KIAA0753: variants seen among roughly 807,000 people sequenced by gnomAD.
The protein encoded by KIAA0753 is protein moonraker.
Under a neutral mutation model 116.9 loss-of-function variants are expected in KIAA0753, and 114 were observed. The ratio of observed to expected loss-of-function variants is 0.98; its 90% CI spans 0.84 to 1.14. The LOEUF is 1.14. KIAA0753 is among the 50% of genes most tolerant of loss of function. KIAA0753 has a pLI of 0.00. For synonymous variants in KIAA0753, 405 were observed against 413.1 expected, an observed-to-expected ratio of 0.98 and a Z score of 0.24; for missense variants, 1,156 against 1,172.4, an observed-to-expected ratio of 0.99 and a Z score of 0.20.
intron 2 of KIAA0753, among the ~76,000 whole-genome samples, chr17:6,630,507 G>C (rs1231600442): frequency 6.6e-6 from 1 of 151,968 alleles, no homozygotes; most frequent in African/African-American, 2.4e-5. Flanking sequence ...AAAGACACTT[G>C]AAAGAGACCC....
At chr17:6,609,929 C>T (rs1195164491) in intron 9 of KIAA0753, 65 bp downstream of exon 9, 31 of 1,556,008 alleles carry the variant, frequency 2.0e-5, no homozygotes, top group Non-Finnish European at 2.5e-5. Flanking sequence ...AGCTACAGGT[C>T]ACCTTTGATA....
intron 16 of KIAA0753, among the ~76,000 whole-genome samples, chr17:6,591,034 G>A: frequency 1.2e-5 from 1 of 85,004 alleles, no homozygotes; most frequent in Admixed American, 1.5e-4. Flanking sequence ...AAGGAAGAAG[G>A]AAGAAGGAAG....
At chr17:6,600,479 A>G in intron 12 of KIAA0753, 21 bp from the exon 13 acceptor site, 3 of 1,582,820 alleles carry the variant, frequency 1.9e-6, no homozygotes, top group Non-Finnish European at 1.7e-6. Context: ...ATAAAATTGA[A>G]AATTAAAATC....
chr17:6,633,885 G>C (rs1972150525), intron 2 of KIAA0753, among the ~76,000 whole-genome samples: 1 of 152,100 alleles, frequency 6.6e-6, no homozygotes, highest in South Asian at 2.1e-4. Context: ...GAGGGGAGGA[G>C]TGGGGGTTAT....
chr17:6,611,372 C>T (rs1316934691), intron 8 of KIAA0753, among the ~76,000 whole-genome samples: 3 of 152,070 alleles, frequency 2.0e-5, no homozygotes, highest in Non-Finnish European at 4.4e-5. Flanking sequence ...TCGATCACAG[C>T]TCACTGCAGC....
intron 18 of KIAA0753, among the ~76,000 whole-genome samples, chr17:6,586,437 C>T (rs1050673624): frequency 1.3e-5 from 2 of 152,178 alleles, no homozygotes; most frequent in African/African-American, 4.8e-5. Flanking sequence ...TTGCCTTCAT[C>T]CTCATTAGGC....
chr17:6,593,938 C>A (rs186128419), intron 16 of KIAA0753, among the ~76,000 whole-genome samples: 1 of 152,234 alleles, frequency 6.6e-6, no homozygotes, highest in Non-Finnish European at 1.5e-5. Context: ...TTCACCTTCA[C>A]CAGGATGGTT....
intron 12 of KIAA0753, among the ~76,000 whole-genome samples, chr17:6,603,208 C>A (rs916127856): frequency 1.3e-5 from 2 of 151,754 alleles, no homozygotes; most frequent in African/African-American, 4.8e-5. Flanking sequence ...GAGGACCAAT[C>A]AAGGAAGTCC....
chr17:6,620,445 T>C (rs1197276188), intron 7 of KIAA0753, among the ~76,000 whole-genome samples: 1 of 151,306 alleles, frequency 6.6e-6, no homozygotes, highest in Non-Finnish European at 1.5e-5. Flanking sequence ...CACATATATA[T>C]ATAGAATGTA....
chr17:6,589,014 G>A (rs1364454349), intron 18 of KIAA0753, among the ~76,000 whole-genome samples: 1 of 152,038 alleles, frequency 6.6e-6, no homozygotes, highest in Non-Finnish European at 1.5e-5. Context: ...AATATTTTGT[G>A]TTCTCTGATG....
At chr17:6,635,591 C>T (rs183382469) in intron 1 of KIAA0753, 1 of 152,790 alleles carries the variant, frequency 6.5e-6, no homozygotes, top group East Asian at 1.9e-4. Context: ...TTCACTCTGT[C>T]AGGTGGCCCG....
chr17:6,617,619 ATTTTG>A (rs1293477713), intron 7 of KIAA0753, among the ~76,000 whole-genome samples: 15 of 152,034 alleles, frequency 9.9e-5, no homozygotes, highest in South Asian at 2.1e-4. Context: ...CTAAGGAAGC[ATTTTG>A]TTTTGTTTTT....
chr17:6,627,673 G>A (rs1597592725), intron 3 of KIAA0753, among the ~76,000 whole-genome samples: 1 of 152,176 alleles, frequency 6.6e-6, no homozygotes, highest in African/African-American at 2.4e-5. Flanking sequence ...TCACTGGTGT[G>A]TACTCACCTA....
At chr17:6,591,965 C>T (rs527519064) in intron 16 of KIAA0753, among the ~76,000 whole-genome samples, 9 of 152,358 alleles carry the variant, frequency 5.9e-5, no homozygotes, top group South Asian at 2.1e-4. Flanking sequence ...ACAAATACCT[C>T]GAACACATGG....
intron 11 of KIAA0753, 82 bp from the exon 12 acceptor site, chr17:6,607,044 C>CT: frequency 6.8e-7 from 1 of 1,461,830 alleles, no homozygotes; most frequent in Non-Finnish European, 9.6e-7. Context: ...TGGCTCCCCC[C>CT]TTGGCTTCTT....
chr17:6,579,520 G>A lies in KIAA0753; in HGVS notation c.*227C>T. ...TTGCCATAATCAAGTTGTGTTGCCT[G>A]GGCACTGATAAGTGTGATACATTGC... On this transcript the variant is annotated 3_prime_UTR_variant, in exon 19 of 19. Transcript: ENST00000361413. 2.1e-6 allele frequency: 1 copy of A among 465,990 alleles called. No individual in the cohort carries two copies. Among genetic ancestry groups the A allele is most frequent in the Non-Finnish European group, 3.9e-6 (1 of 257,766 alleles). The allele number at this position is 465,990 out of a possible 1,614,324, so 28.9% of individuals were successfully genotyped here. A position where few individuals can be genotyped will look rare whatever the true frequency, so the allele number is the denominator to read the frequency against.
At chr17:6,612,959 A>G (rs1970653510) in intron 7 of KIAA0753, among the ~76,000 whole-genome samples, 1 of 152,192 alleles carries the variant, frequency 6.6e-6, no homozygotes, top group Admixed American at 6.5e-5. Flanking sequence ...TTGATAGAGA[A>G]TAAAGTCTGA....
intron 2 of KIAA0753, among the ~76,000 whole-genome samples, chr17:6,633,671 T>C (rs1464438089): frequency 1.3e-5 from 2 of 152,040 alleles, no homozygotes; most frequent in Non-Finnish European, 2.9e-5. Context: ...AAACAAACTG[T>C]GGTATACTCA....
chr17:6,606,542 GC>G (rs2150815419), intron 12 of KIAA0753, among the ~76,000 whole-genome samples: 1 of 152,300 alleles, frequency 6.6e-6, no homozygotes, highest in South Asian at 2.1e-4. Flanking sequence ...ACATGTATGT[GC>G]ATCATACTCA....
Sources: gnomAD v4.1 joint callset for allele counts (sites outside exome capture counted in the v4.1 genomes callset) on GRCh38, gnomAD v4.1.1 for gene constraint, MANE v1.5 for transcripts, NCBI Gene and HGNC (gene_info 2026-07-23, HGNC 2026-07-21) for gene names.